The following PHF2 variants were observed in gnomAD, a reference collection of about 807,000 sequenced individuals.
PHF2 encodes the protein PHD finger protein 2.
Under a neutral mutation model 120.5 loss-of-function variants are expected in PHF2, and 27 were observed. The observed-to-expected ratio is 0.22, with a 90% CI of 0.17 to 0.31. The LOEUF is 0.31. Among genes scored for constraint, PHF2 ranks in the 10% least tolerant of loss-of-function variants. The probability of loss-of-function intolerance (pLI) is 1.00; values close to 1 mark genes in which losing one functional copy is unlikely to be tolerated. For synonymous variants in PHF2, 568 were observed against 592.5 expected (o/e 0.96, Z 0.60); for missense variants, 1,024 against 1,434.8 (o/e 0.71, Z 4.63).
rs1405686732 is a variant in PHF2 at position 93,674,968 on chromosome 9, A to G, written c.2668A>G (p.Lys890Glu). 6.2e-7 allele frequency: 1 copy of G among 1,613,748 alleles called. No individual in the cohort carries two copies. The highest frequency in any genetic ancestry group is 8.5e-7 in the Non-Finnish European group (1 of 1,179,944). ...GTCAGATGAAGACAACCCCATCTTT[A>G]AGTCCCGGTCGAAGAAAAGGAAAGG... ...LESDEDNPIF[K>E]SRSKKRKGSD... Residue 890 changes from lysine to glutamate, a missense_variant, in exon 19 of 22, where the codon AAG becomes GAG. Coordinates refer to ENST00000359246, the MANE Select transcript of PHF2 (RefSeq NM_005392.4).
chr9:93,652,077 G>A (rs1826378133), intron 5 of PHF2, among the ~76,000 whole-genome samples: 1 of 152,186 alleles, frequency 6.6e-6, no homozygotes, highest in Non-Finnish European at 1.5e-5. Flanking sequence ...AGGCTAGTGG[G>A]ATTGGGGCGG....
At chr9:93,653,107 A>G (rs1826396432) in intron 5 of PHF2, 72 bp from the exon 6 acceptor site, 4 of 1,402,286 alleles carry the variant, frequency 2.9e-6, no homozygotes, top group Non-Finnish European at 4.0e-6. Context: ...CTCACAGAAC[A>G]TGTTTCCCAC....
chr9:93,577,936 G>A (rs1418374226), intron 1 of PHF2, among the ~76,000 whole-genome samples: 1 of 152,202 alleles, frequency 6.6e-6, no homozygotes, highest in Non-Finnish European at 1.5e-5. Flanking sequence ...AGGGCTGTAT[G>A]CCCTCTGGGG....
intron 5 of PHF2, 108 bp downstream of exon 5, chr9:93,649,320 A>C: frequency 1.3e-6 from 1 of 787,388 alleles, no homozygotes; most frequent in Admixed American, 2.3e-5. Context: ...AGAGTCTGGA[A>C]TACTGCACAT....
intron 19 of PHF2, 76 bp from the exon 20 acceptor site, chr9:93,675,604 C>A: frequency 8.7e-7 from 1 of 1,148,122 alleles, no homozygotes; most frequent in Middle Eastern, 2.2e-4. Context: ...GGGGTGGGGG[C>A]AGGGTAGCCC....
At chr9:93,643,842 C>T (rs1005156476) in intron 3 of PHF2, among the ~76,000 whole-genome samples, 4 of 152,164 alleles carry the variant, frequency 2.6e-5, no homozygotes, top group African/African-American at 9.7e-5. Flanking sequence ...TAAATGGCCC[C>T]GCCTCTGCCC....
At chr9:93,650,167 G>A (rs906423250) in intron 5 of PHF2, among the ~76,000 whole-genome samples, 2 of 150,676 alleles carry the variant, frequency 1.3e-5, no homozygotes, top group African/African-American at 2.4e-5. Context: ...GGACACACTC[G>A]CCAACACACC....
At chr9:93,658,086 C>A in intron 9 of PHF2, 59 bp from the exon 10 acceptor site, 1 of 1,217,582 alleles carries the variant, frequency 8.2e-7, no homozygotes, top group Non-Finnish European at 1.2e-6. Flanking sequence ...TGTGGCTGGG[C>A]ATGAAGGCAC....
At chr9:93,581,115 C>G (rs957891575) in intron 1 of PHF2, among the ~76,000 whole-genome samples, 1 of 152,158 alleles carries the variant, frequency 6.6e-6, no homozygotes, top group Non-Finnish European at 1.5e-5. Flanking sequence ...GTCCGTCTGT[C>G]TGTCTGGGCT....
intron 20 of PHF2, 76 bp downstream of exon 20, chr9:93,675,865 C>A: frequency 9.1e-7 from 1 of 1,104,488 alleles, no homozygotes; most frequent in Non-Finnish European, 1.3e-6. Flanking sequence ...TTCCCCAAGG[C>A]ACCTGTTTCT....
At chr9:93,635,296 C>G (rs182777277) in intron 2 of PHF2, among the ~76,000 whole-genome samples, 1 of 141,644 alleles carries the variant, frequency 7.1e-6, no homozygotes, top group East Asian at 2.1e-4. Flanking sequence ...GTCATTAGCT[C>G]CCTTTGTCCC....
At position 93,676,577 on chromosome 9, in the gene PHF2, G is replaced by T; in HGVS notation, c.2833-17G>T. ...TGGGCTGTGCGTCTGAGGCTGCCCT[G>T]CATGTTTTGTTCAAAGGAGGAGCAG... On this transcript the variant is annotated splice_polypyrimidine_tract_variant and intron_variant, in intron 20 of 21. Transcript: ENST00000359246. The T allele has an allele frequency of 6.3e-7, 1 of 1,576,584 alleles. No individual in the cohort carries two copies. The highest frequency in any genetic ancestry group is 8.6e-7 in the Non-Finnish European group (1 of 1,156,514).
intron 1 of PHF2, among the ~76,000 whole-genome samples, chr9:93,586,885 C>T (rs190553274): frequency 6.2e-4 from 95 of 152,266 alleles, no homozygotes; most frequent in African/African-American, 2.2e-3. Context: ...CAGCCGCCTG[C>T]GAGTCTGTGC....
At chr9:93,584,412 T>C (rs770144670) in intron 1 of PHF2, among the ~76,000 whole-genome samples, 2 of 152,250 alleles carry the variant, frequency 1.3e-5, no homozygotes, top group Non-Finnish European at 2.9e-5. Flanking sequence ...ATCTTCTGTT[T>C]ATTTTTGTAA....
chr9:93,602,566 T>G (rs1029067806), intron 1 of PHF2, among the ~76,000 whole-genome samples: 2 of 152,090 alleles, frequency 1.3e-5, no homozygotes, highest in African/African-American at 4.8e-5. Flanking sequence ...TAGAGGTTCT[T>G]GTTTATTGAC....
intron 1 of PHF2, among the ~76,000 whole-genome samples, chr9:93,599,486 G>A (rs1055547906): frequency 6.6e-6 from 1 of 152,228 alleles, no homozygotes; most frequent in Admixed American, 6.5e-5. Flanking sequence ...GAGGTGGTGC[G>A]AGGAGATGGA....
intron 1 of PHF2, 118 bp from the exon 2 acceptor site, chr9:93,629,852 C>A: frequency 1.1e-6 from 1 of 925,760 alleles, no homozygotes; most frequent in Non-Finnish European, 1.8e-6. Context: ...CACAGCTGTG[C>A]TCCATCTGGC....
At position 93,584,308 on chromosome 9, in the gene PHF2, T is replaced by C. The variant is rs147147252; in HGVS notation, c.98+7437T>C. Among the ~76,000 whole-genome samples, 351 of 152,370 alleles carry C rather than the reference T, an allele frequency of 2.3e-3. 2 individuals are homozygous for C. The highest frequency in any genetic ancestry group is 8.1e-3 in the African/African-American group (336 of 41,578). On this transcript the variant is annotated intron_variant, in intron 1 of 21. Coordinates refer to ENST00000359246, the MANE Select transcript of PHF2 (RefSeq NM_005392.4). ...TTTGGTGCCATTTCTAAGATTTCAT[T>C]GCCTGTACAATCCAAGATTATAATT...
chr9:93,624,362 T>G (rs1193026598), intron 1 of PHF2, among the ~76,000 whole-genome samples: 1 of 151,836 alleles, frequency 6.6e-6, no homozygotes, highest in Non-Finnish European at 1.5e-5. Context: ...GCATTGTTGG[T>G]GATGGTGATG....
Sources: gnomAD v4.1 joint callset for allele counts (sites outside exome capture counted in the v4.1 genomes callset) on GRCh38, gnomAD v4.1.1 for gene constraint, MANE v1.5 for transcripts, NCBI Gene and HGNC (gene_info 2026-07-23, HGNC 2026-07-21) for gene names.